ARRB1: variants seen among roughly 807,000 people sequenced by gnomAD.
The protein encoded by ARRB1 is arrestin beta 1.
A neutral mutation model predicts 56.8 loss-of-function variants in ARRB1; 21 were observed. That is an observed-to-expected ratio of 0.37 (90% CI 0.26 to 0.53). The LOEUF (loss-of-function observed/expected upper bound fraction) is 0.53, where lower values mean the gene tolerates loss of function less well. Ranked by LOEUF, ARRB1 falls within the 20% of genes least tolerant of loss-of-function variation. The pLI, the probability that ARRB1 is intolerant of heterozygous loss-of-function variation, is 0.88. For missense variants in ARRB1, 424 were observed against 553.7 expected (o/e 0.77, Z 2.35); for synonymous variants, 210 against 218.6 (o/e 0.96, Z 0.35).
chr11:75,350,700 C>A (rs1448130245), intron 1 of ARRB1, among the ~76,000 whole-genome samples: 1 of 152,242 alleles, frequency 6.6e-6, no homozygotes, highest in Non-Finnish European at 1.5e-5. Flanking sequence ...CCCTGGCCAG[C>A]CACTCCTCAG....
chr11:75,272,336 A>G (rs1565105316), intron 12 of ARRB1, among the ~76,000 whole-genome samples: 1 of 152,232 alleles, frequency 6.6e-6, no homozygotes, highest in Non-Finnish European at 1.5e-5. Flanking sequence ...GCTCCAGGGC[A>G]GGGCAGTCTG....
intron 8 of ARRB1, 38 bp from the exon 9 acceptor site, chr11:75,277,486 A>G: frequency 5.1e-6 from 8 of 1,578,184 alleles, no homozygotes; most frequent in Non-Finnish European, 4.4e-6. Flanking sequence ...GGCTGGGAGG[A>G]CAGCAAGGTT....
At chr11:75,343,906 C>T (rs1458418233) in intron 1 of ARRB1, among the ~76,000 whole-genome samples, 1 of 152,006 alleles carries the variant, frequency 6.6e-6, no homozygotes, top group African/African-American at 2.4e-5. Flanking sequence ...AGCTCCGCCT[C>T]CCGGGTTCAT....
At chr11:75,282,182 C>G in intron 5 of ARRB1, 161 bp from the exon 6 acceptor site, 1 of 648,882 alleles carries the variant, frequency 1.5e-6, no homozygotes, top group Non-Finnish European at 2.7e-6. Context: ...CCATCTAAAA[C>G]TCTTTAGATA....
intron 1 of ARRB1, 126 bp downstream of exon 1, chr11:75,351,462 G>A (rs767305297): frequency 2.9e-6 from 4 of 1,388,634 alleles, no homozygotes; most frequent in Non-Finnish European, 3.8e-6. Context: ...CTCGGGTGGA[G>A]GAGAGCTGGT....
At chr11:75,318,204 T>C (rs947486231) in intron 1 of ARRB1, among the ~76,000 whole-genome samples, 1 of 146,570 alleles carries the variant, frequency 6.8e-6, no homozygotes, top group Admixed American at 7.1e-5. Context: ...TCTCACTCTG[T>C]TGCCTCAGCT....
At chr11:75,304,605 G>A (rs1235263879) in intron 1 of ARRB1, among the ~76,000 whole-genome samples, 2 of 151,964 alleles carry the variant, frequency 1.3e-5, no homozygotes, top group Non-Finnish European at 2.9e-5. Flanking sequence ...CACCCCAGGG[G>A]ACACCTGGCA....
At chr11:75,290,540 G>C (rs536714447) in intron 1 of ARRB1, among the ~76,000 whole-genome samples, 2 of 151,344 alleles carry the variant, frequency 1.3e-5, no homozygotes, top group Non-Finnish European at 2.9e-5. Context: ...TCCGGGGCCT[G>C]AAGTCCCTCT....
intron 1 of ARRB1, among the ~76,000 whole-genome samples, chr11:75,323,762 T>G (rs1436885315): frequency 6.6e-6 from 1 of 152,158 alleles, no homozygotes; most frequent in Non-Finnish European, 1.5e-5. Context: ...GCCTGGGACC[T>G]CTGAGCCACC....
intron 1 of ARRB1, among the ~76,000 whole-genome samples, chr11:75,350,906 G>C (rs1388361346): frequency 6.6e-6 from 1 of 152,188 alleles, no homozygotes; most frequent in Non-Finnish European, 1.5e-5. Flanking sequence ...TGGGGTGCCA[G>C]TCTTTGAGGG....
intron 1 of ARRB1, among the ~76,000 whole-genome samples, chr11:75,326,311 A>G (rs911268857): frequency 4.6e-4 from 70 of 152,342 alleles, no homozygotes; most frequent in African/African-American, 1.6e-3. Flanking sequence ...GGTGTGCAGT[A>G]AATGAACAAA....
chr11:75,325,034 A>C (rs1191591953), intron 1 of ARRB1, among the ~76,000 whole-genome samples: 1 of 152,056 alleles, frequency 6.6e-6, no homozygotes, highest in Non-Finnish European at 1.5e-5. Flanking sequence ...CCTGAAGAAA[A>C]CCCTGTGGAA....
chr11:75,313,171 G>C (rs11236390), intron 1 of ARRB1, among the ~76,000 whole-genome samples: 12,060 of 152,098 alleles, frequency 0.079, 543 homozygotes, highest in Admixed American at 0.11. Context: ...TGGCCAACAT[G>C]GTGAAACCCT....
At chr11:75,286,919 T>A (rs1474527870) in intron 3 of ARRB1, among the ~76,000 whole-genome samples, 1 of 152,152 alleles carries the variant, frequency 6.6e-6, no homozygotes, top group Non-Finnish European at 1.5e-5. Flanking sequence ...CGGGCTCCTC[T>A]ATCTACTCAC....
At chr11:75,350,891 G>A (rs1246358486) in intron 1 of ARRB1, among the ~76,000 whole-genome samples, 1 of 152,202 alleles carries the variant, frequency 6.6e-6, no homozygotes, top group Admixed American at 6.5e-5. Context: ...AGCAGCTCGT[G>A]CCTGTGGGGT....
chr11:75,273,045 G>T, intron 11 of ARRB1, 67 bp from the exon 12 acceptor site: 1 of 1,399,042 alleles, frequency 7.1e-7, no homozygotes, highest in Non-Finnish European at 1.0e-6. Flanking sequence ...TCAGGGGTGG[G>T]TATGCTGGGG....
intron 1 of ARRB1, among the ~76,000 whole-genome samples, chr11:75,332,226 C>G (rs1947533268): frequency 6.6e-6 from 1 of 152,162 alleles, no homozygotes; most frequent in Non-Finnish European, 1.5e-5. Flanking sequence ...TTGGTGGTCT[C>G]TTCACAGGGA....
chr11:75,312,492 T>C (rs939885903), intron 1 of ARRB1, among the ~76,000 whole-genome samples: 1 of 152,214 alleles, frequency 6.6e-6, no homozygotes, highest in Non-Finnish European at 1.5e-5. Context: ...TTGTCTCATG[T>C]CATCCTCACA....
In ARRB1 at chr11:75,328,422, T is replaced by C. The variant is rs192583056; in HGVS notation, c.20+23166A>G. The stretch of plus-strand genomic sequence containing the variant: ...TCAGTTGCTGCCTGTTCCTCCTCCC[T>C]AAAACCCTGTGAATGAGGACAGTTG... On this transcript the variant is annotated intron_variant, in intron 1 of 15. Coordinates refer to ENST00000420843, the MANE Select transcript of ARRB1 (RefSeq NM_004041.5). Among the ~76,000 whole-genome samples, 23 of 152,332 alleles carry C rather than the reference T, an allele frequency of 1.5e-4. No individual in the cohort carries two copies. In the East Asian group the frequency reaches 3.5e-3, roughly 23 times the overall value.
Sources: gnomAD v4.1 joint callset for allele counts (sites outside exome capture counted in the v4.1 genomes callset) on GRCh38, gnomAD v4.1.1 for gene constraint, MANE v1.5 for transcripts, NCBI Gene and HGNC (gene_info 2026-07-23, HGNC 2026-07-21) for gene names.